EEF1AKMT2: variants seen among roughly 807,000 people sequenced by gnomAD.
EEF1AKMT2 encodes the protein eukaryotic translation elongation factor 1 alpha lysine methyltransferase 2.
A neutral mutation model predicts 35.8 loss-of-function variants in EEF1AKMT2; 32 were observed. The observed-to-expected ratio is 0.89, with a 90% CI of 0.67 to 1.20. The LOEUF is 1.20. Among genes scored for constraint, EEF1AKMT2 ranks in the 50% most tolerant of loss-of-function variants. EEF1AKMT2 has a pLI of 0.00. For missense variants in EEF1AKMT2, 330 were observed against 347.5 expected (o/e 0.95, Z 0.40); for synonymous variants, 121 against 133.7 (o/e 0.91, Z 0.65).
intron 2 of EEF1AKMT2, among the ~76,000 whole-genome samples, chr10:124,789,593 AC>A (rs1442658729): frequency 2.0e-5 from 3 of 151,988 alleles, no homozygotes; most frequent in African/African-American, 7.2e-5. Context: ...CCCTGTCTCT[AC>A]AAAAAAGAAA....
At chr10:124,791,629 T>G in intron 1 of EEF1AKMT2, 95 bp downstream of exon 1, 1 of 1,510,724 alleles carries the variant, frequency 6.6e-7, no homozygotes, top group Non-Finnish European at 8.9e-7. Flanking sequence ...AGGGTCTCCC[T>G]GTCCCTGAGC....
chr10:124,791,558 T>C (rs954852743), intron 1 of EEF1AKMT2, among the ~76,000 whole-genome samples, 166 bp downstream of exon 1: 2 of 152,262 alleles, frequency 1.3e-5, no homozygotes, highest in African/African-American at 4.8e-5. Context: ...CCCTAGGGAT[T>C]CCACTCTTTG....
At chr10:124,784,224 CA>C (rs1950565910) in intron 3 of EEF1AKMT2, among the ~76,000 whole-genome samples, 1 of 151,972 alleles carries the variant, frequency 6.6e-6, no homozygotes, top group South Asian at 2.1e-4. Context: ...TGAAATCATA[CA>C]AATCATATAA....
intron 5 of EEF1AKMT2, among the ~76,000 whole-genome samples, chr10:124,763,082 A>T (rs1032727149): frequency 1.3e-5 from 2 of 152,214 alleles, no homozygotes; most frequent in African/African-American, 4.8e-5. Flanking sequence ...TCAATTATTT[A>T]GATAATAAAT....
At chr10:124,783,873 G>A (rs181887925) in intron 3 of EEF1AKMT2, among the ~76,000 whole-genome samples, 2 of 152,208 alleles carry the variant, frequency 1.3e-5, no homozygotes, top group Non-Finnish European at 2.9e-5. Context: ...TGCCCAGGCT[G>A]GAGTGCAACG....
chr10:124,767,858 TGC>T (rs1950393028), intron 4 of EEF1AKMT2, among the ~76,000 whole-genome samples: 2 of 152,070 alleles, frequency 1.3e-5, no homozygotes, highest in Admixed American at 6.5e-5. Flanking sequence ...TGGTGGCGCA[TGC>T]CAGTAATCCC....
chr10:124,785,475 A>G (rs965697697), intron 3 of EEF1AKMT2, among the ~76,000 whole-genome samples: 2 of 152,160 alleles, frequency 1.3e-5, no homozygotes, highest in Non-Finnish European at 2.9e-5. Context: ...AATAGAAGAA[A>G]ACATCTGCAA....
At chr10:124,777,480 T>C (rs1021762109) in intron 3 of EEF1AKMT2, among the ~76,000 whole-genome samples, 30 of 151,828 alleles carry the variant, frequency 2.0e-4, no homozygotes, top group Non-Finnish European at 4.0e-4. Flanking sequence ...TACCGAATAC[T>C]GGAGGCAACT....
At position 124,760,167 on chromosome 10, in the gene EEF1AKMT2, G is replaced by A. The variant is rs1269453827; in HGVS notation, c.*336C>T. 26 of 394,494 alleles carry A rather than the reference G, an allele frequency of 6.6e-5. No homozygotes were observed. In the East Asian group the frequency reaches 6.9e-4, roughly 10 times the overall value. The allele number at this position is 394,494 out of a possible 1,614,324, so 24.4% of individuals were successfully genotyped here. A position where few individuals can be genotyped will look rare whatever the true frequency, so the allele number is the denominator to read the frequency against. On this transcript the variant is annotated 3_prime_UTR_variant, in exon 7 of 7. Transcript: ENST00000368836. ...GCAGTTATAGGAAATTTTTTTAATC[G>A]AAAAGAAAACTATTTACATTTCAAA...
chr10:124,785,895 C>CAAAAAAA (rs34637624), intron 3 of EEF1AKMT2, among the ~76,000 whole-genome samples: 3 of 59,476 alleles, frequency 5.0e-5, no homozygotes, highest in South Asian at 9.1e-4. Context: ...GACTCTGTCT[C>CAAAAAAA]AAAAAAAAAA....
intron 3 of EEF1AKMT2, among the ~76,000 whole-genome samples, chr10:124,788,710 T>TTATTTATATATATATATATA: frequency 1.1e-5 from 1 of 92,580 alleles, no homozygotes; most frequent in East Asian, 3.5e-4. Flanking sequence ...AAGGTCATCT[T>TTATTTATATATATATATATA]TATATATATA....
rs1364067482 is a variant in EEF1AKMT2, at chr10:124,759,065, T to G, written c.*1438A>C. The G allele has an allele frequency of 1.3e-5, 2 of 152,084 alleles. No homozygotes were observed. The highest frequency in any genetic ancestry group is 2.9e-5 in the Non-Finnish European group (2 of 67,998). The allele number at this position is 152,084 out of a possible 1,614,324, so 9.4% of individuals were successfully genotyped here. ...GACTTACTCAATACAGGAGTAACAT[T>G]TGCCAAACAAAAAGTCACTTATGTA... On this transcript the variant is annotated 3_prime_UTR_variant, in exon 7 of 7. Transcript: ENST00000368836.
chr10:124,764,431 T>G (rs1259439465), intron 5 of EEF1AKMT2, among the ~76,000 whole-genome samples: 1 of 152,180 alleles, frequency 6.6e-6, no homozygotes, highest in Non-Finnish European at 1.5e-5. Context: ...GATAAAATAT[T>G]TCTTACAAAA....
intron 4 of EEF1AKMT2, among the ~76,000 whole-genome samples, chr10:124,768,362 A>C (rs1394123832): frequency 6.6e-6 from 1 of 152,058 alleles, no homozygotes; most frequent in Non-Finnish European, 1.5e-5. Flanking sequence ...TAATCCCAGC[A>C]CTCTGGGAGG....
chr10:124,784,550 C>T (rs1370601009), intron 3 of EEF1AKMT2, among the ~76,000 whole-genome samples: 1 of 151,600 alleles, frequency 6.6e-6, no homozygotes, highest in Non-Finnish European at 1.5e-5. Flanking sequence ...AAATCAATAA[C>T]CTAAGCTTCC....
chr10:124,759,087 T>C lies in EEF1AKMT2; in HGVS notation c.*1416A>G, dbSNP rs536321140. 17 of 152,296 alleles carry C rather than the reference T, an allele frequency of 1.1e-4. No homozygotes were observed. Among genetic ancestry groups the C allele is most frequent in the African/African-American group, 3.1e-4 (13 of 41,574 alleles). 9.4% of individuals were successfully genotyped at this position (152,296 alleles called of 1,614,324 possible). On this transcript the variant is annotated 3_prime_UTR_variant, in exon 7 of 7. Transcript: ENST00000368836. The stretch of plus-strand genomic sequence containing the variant: ...CATTTGCCAAACAAAAAGTCACTTA[T>C]GTAACCCAATAGGCCCACAAAGCTG...
At chr10:124,779,016 G>A (rs1488492942) in intron 3 of EEF1AKMT2, among the ~76,000 whole-genome samples, 1 of 151,614 alleles carries the variant, frequency 6.6e-6, no homozygotes, top group African/African-American at 2.4e-5. Context: ...ACAAAAAGAT[G>A]AATGTTCTAC....
chr10:124,773,793 A>G (rs772290819), intron 4 of EEF1AKMT2, among the ~76,000 whole-genome samples: 47 of 152,334 alleles, frequency 3.1e-4, no homozygotes, highest in Non-Finnish European at 2.2e-4. Flanking sequence ...TATTACAACA[A>G]TTACCAAAAT....
At chr10:124,774,105 C>G (rs184123348) in intron 4 of EEF1AKMT2, among the ~76,000 whole-genome samples, 1 of 152,114 alleles carries the variant, frequency 6.6e-6, no homozygotes, top group Non-Finnish European at 1.5e-5. Context: ...CGGTGGCTCA[C>G]GCCTGTAATC....
Sources: allele counts gnomAD v4.1 joint callset (sites outside exome capture counted in the v4.1 genomes callset), GRCh38; gene constraint gnomAD v4.1.1; transcripts MANE v1.5; gene names NCBI Gene and HGNC (gene_info 2026-07-23, HGNC 2026-07-21).